GDI2: variants seen among roughly 807,000 people sequenced by gnomAD.
GDI2 encodes the protein rab GDP dissociation inhibitor beta.
Under a neutral mutation model 54.2 loss-of-function variants are expected in GDI2, and 22 were observed. That is an observed-to-expected ratio of 0.41 (90% confidence interval 0.29 to 0.58). The LOEUF is 0.58. Ranked by LOEUF, GDI2 falls within the 20% of genes least tolerant of loss-of-function variation. The pLI is 0.35. For synonymous variants in GDI2, 177 were observed against 182.1 expected, an observed-to-expected ratio of 0.97 and a Z score of 0.23; for missense variants, 422 against 546.0, an observed-to-expected ratio of 0.77 and a Z score of 2.26.
At position 5,766,097 on chromosome 10, in the gene GDI2, T is replaced by C; in HGVS notation, c.1247A>G (p.Asp416Gly). Reference protein sequence around the residue: ...ATTHFETTCDDIKNIYKRMTG... With the variant: ...ATTHFETTCDGIKNIYKRMTG... ...CATCCTCTTATAGATGTTTTTAATG[T>C]CATCACACGTTGTCTCAAAATGAGT... Residue 416 changes from aspartate to glycine, a missense_variant, in exon 11 of 11, where the codon GAC becomes GGC. Physicochemically the swap from Asp to Gly is moderately conservative, Grantham distance 94. Coordinates refer to ENST00000380191, the MANE Select transcript of GDI2 (RefSeq NM_001494.4). The surrounding 1 kb of genome is among the most constrained non-coding windows in gnomAD (Gnocchi z 5.8). 6.2e-7 allele frequency: 1 copy of C among 1,609,584 alleles called. No individual in the cohort carries two copies.
rs919179313 is a variant in GDI2, at chr10:5,813,404, G to T, written c.-146C>A. The T allele has an allele frequency of 4.7e-6, 2 of 427,948 alleles. No homozygotes were observed. Among genetic ancestry groups the T allele is most frequent in the Non-Finnish European group, 4.2e-6 (1 of 235,346 alleles). 26.5% of individuals were successfully genotyped at this position (427,948 alleles called of 1,614,324 possible). A position where few individuals can be genotyped will look rare whatever the true frequency, so the allele number is the denominator to read the frequency against. ...ATGGAGCTGGCGACAAGGCGAGACC[G>T]ACCGCCACCTCAGACGGGAAGAGAA... On this transcript the variant is annotated 5_prime_UTR_variant, in exon 1 of 11. Coordinates refer to ENST00000380191, the MANE Select transcript of GDI2 (RefSeq NM_001494.4).
intron 8 of GDI2, among the ~76,000 whole-genome samples, chr10:5,767,679 T>G (rs1840387896): frequency 6.6e-6 from 1 of 152,190 alleles, no homozygotes; most frequent in Admixed American, 6.5e-5. Context: ...AGCTGAATTT[T>G]AGATAAATAA....
chr10:5,810,959 C>G (rs932411004), intron 1 of GDI2, among the ~76,000 whole-genome samples: 1 of 152,202 alleles, frequency 6.6e-6, no homozygotes, highest in East Asian at 1.9e-4. Context: ...TTAAAAGTAA[C>G]AAGTTCCTAA....
At chr10:5,812,881 G>A (rs941558255) in intron 1 of GDI2, among the ~76,000 whole-genome samples, 1 of 152,176 alleles carries the variant, frequency 6.6e-6, no homozygotes, top group African/African-American at 2.4e-5. Context: ...CCAAACCGGG[G>A]AGCGGGACCC....
rs72772350 is a variant in GDI2 at position 5,766,935 on chromosome 10, T to C, written c.992-297A>G. Among the ~76,000 whole-genome samples the C allele has an allele frequency of 0.015, 2,276 of 152,338 alleles. 21 individuals carry two copies. Among genetic ancestry groups the C allele is most frequent in the Middle Eastern group, 0.061 (18 of 294 alleles). On this transcript the variant is annotated intron_variant, in intron 8 of 10. Coordinates refer to ENST00000380191, the MANE Select transcript of GDI2 (RefSeq NM_001494.4). The surrounding 1 kb of genome is among the most constrained non-coding windows in gnomAD (Gnocchi z 5.8). ...CCTAACTAAAAAACCTGCCAAACCA[T>C]ATTAACTATTCTGGGAGATTCTTCC...
chr10:5,792,184 G>C (rs1479487322), intron 4 of GDI2, among the ~76,000 whole-genome samples: 1 of 152,174 alleles, frequency 6.6e-6, no homozygotes, highest in East Asian at 1.9e-4. Context: ...GTGGTTAAGA[G>C]TGTGGGATTC....
At chr10:5,796,255 CAGG>C (rs780292230) in intron 3 of GDI2, among the ~76,000 whole-genome samples, 57 of 150,838 alleles carry the variant, frequency 3.8e-4, no homozygotes, top group Admixed American at 7.3e-4. Flanking sequence ...GAGGCTGAGG[CAGG>C]AGAATTGCTT....
chr10:5,785,977 A>T lies in GDI2; in HGVS notation c.462T>A (p.Asp154Glu). The T allele has an allele frequency of 6.2e-7, 1 of 1,613,576 alleles. No homozygotes were observed. Among genetic ancestry groups the T allele is most frequent in the Non-Finnish European group, 8.5e-7 (1 of 1,179,550 alleles). The change falls in exon 5 of 11, where the codon GAT becomes GAA. Residue 154 changes from aspartate (D) to glutamate (E), a missense_variant. Transcript: ENST00000380191. ...LVYVANFDEK[D>E]PRTFEGIDPK... ...GATCAATGCCTTCAAAAGTTCTTGG[A>T]TCTTTTTCATCGAAGTTGGCAACAT... is the stretch of plus-strand genomic sequence containing the variant.
intron 4 of GDI2, among the ~76,000 whole-genome samples, chr10:5,792,857 C>G (rs1173917905): frequency 6.7e-6 from 1 of 149,948 alleles, no homozygotes; most frequent in African/African-American, 2.5e-5. Context: ...AATAAAACTG[C>G]CAAACGATAA....
chr10:5,789,425 G>T (rs1234181817), intron 4 of GDI2, among the ~76,000 whole-genome samples: 1 of 151,820 alleles, frequency 6.6e-6, no homozygotes. Context: ...TAAGAGATAG[G>T]GTCTTGCTAT....
chr10:5,806,556 T>G (rs532665162), intron 1 of GDI2, among the ~76,000 whole-genome samples: 1 of 152,306 alleles, frequency 6.6e-6, no homozygotes, highest in Non-Finnish European at 1.5e-5. Flanking sequence ...ATATAAATCC[T>G]TTATTAGTTA....
intron 4 of GDI2, among the ~76,000 whole-genome samples, chr10:5,794,181 AAAAAAAAATATATATATATATATAT>A (rs1195014695): frequency 3.9e-5 from 2 of 51,628 alleles, no homozygotes; most frequent in East Asian, 1.7e-3. Flanking sequence ...AGAAAAAAAA[AAAAAAAAATATATATATATATATAT>A]ATATATATAT....
Position 5,776,884 on chromosome 10 carries a change from G to A in GDI2, c.720-2943C>T. 3.1e-6 allele frequency: 3 copies of A among 960,314 alleles called. No individual in the cohort carries two copies. The highest frequency in any genetic ancestry group is 2.0e-5 in the South Asian group (1 of 50,154). The allele number at this position is 960,314 out of a possible 1,614,324, so 59.5% of individuals were successfully genotyped here. A position where few individuals can be genotyped will look rare whatever the true frequency, so the allele number is the denominator to read the frequency against. Reference sequence around the variant, plus strand: ...TTAAAATGGAAGGCCAGAGAAGAGGGGAGAAGAGGAAATAATGCGAAAACA... The same window carrying A: ...TTAAAATGGAAGGCCAGAGAAGAGGAGAGAAGAGGAAATAATGCGAAAACA... On this transcript the variant is annotated intron_variant, in intron 6 of 10. Coordinates refer to ENST00000380191, the MANE Select transcript of GDI2 (RefSeq NM_001494.4). This position sits in a 1 kb window ranked among gnomAD's most constrained non-coding sequence, Gnocchi z 5.3.
At position 5,776,051 on chromosome 10, in the gene GDI2, G is replaced by A. The variant is rs80250441; in HGVS notation, c.720-2110C>T. Reference sequence around the variant, plus strand: ...CCTTCCTAAGGCTGCCACTTACCCCGGAGTCTATGAAAATAATGGATCCCT... The same window carrying A: ...CCTTCCTAAGGCTGCCACTTACCCCAGAGTCTATGAAAATAATGGATCCCT... On this transcript the variant is annotated intron_variant, in intron 6 of 10. Coordinates refer to ENST00000380191, the MANE Select transcript of GDI2 (RefSeq NM_001494.4). The surrounding 1 kb of genome is among the most constrained non-coding windows in gnomAD (Gnocchi z 5.3). 3.6e-4 allele frequency: 68 copies of A among 190,770 alleles called. No individual in the cohort carries two copies. Among genetic ancestry groups the A allele is most frequent in the African/African-American group, 1.5e-3 (65 of 42,004 alleles). The allele number at this position is 190,770 out of a possible 1,614,324, so 11.8% of individuals were successfully genotyped here.
rs138449992 is a variant in GDI2, at chr10:5,776,336, T to C, written c.720-2395A>G. On this transcript the variant is annotated intron_variant, in intron 6 of 10. Transcript: ENST00000380191. This position sits in a 1 kb window ranked among gnomAD's most constrained non-coding sequence, Gnocchi z 5.3. ...GTAGCTGCCCATCTCACAAACCCTCTGCTGAGGATGCAGAGAGCCAGAGCC... is the reference window on the plus strand; with the variant it reads ...GTAGCTGCCCATCTCACAAACCCTCCGCTGAGGATGCAGAGAGCCAGAGCC... 5.0e-5 allele frequency: 32 copies of C among 641,218 alleles called. 1 individual carries two copies. In the African/African-American group the frequency reaches 5.3e-4, roughly 11 times the overall value. The allele number at this position is 641,218 out of a possible 1,614,324, so 39.7% of individuals were successfully genotyped here. A position where few individuals can be genotyped will look rare whatever the true frequency, so the allele number is the denominator to read the frequency against.
At chr10:5,804,284 G>A (rs942432107) in intron 1 of GDI2, among the ~76,000 whole-genome samples, 2 of 151,972 alleles carry the variant, frequency 1.3e-5, no homozygotes, top group African/African-American at 4.8e-5. Flanking sequence ...AGTAGAGATG[G>A]GGTTTCACCG....
intron 1 of GDI2, among the ~76,000 whole-genome samples, chr10:5,805,296 C>T (rs1003417345): frequency 2.3e-4 from 34 of 149,414 alleles, no homozygotes; most frequent in African/African-American, 8.4e-4. Context: ...AAAACACAGA[C>T]TGCTAGGCCC....
chr10:5,773,040 C>A (rs866465439), intron 7 of GDI2, among the ~76,000 whole-genome samples: 1 of 152,068 alleles, frequency 6.6e-6, no homozygotes, highest in Admixed American at 6.6e-5. Flanking sequence ...TATTATCAGG[C>A]GTTTTTTGCC....
Position 5,794,986 on chromosome 10 carries a change from A to T in GDI2, c.287T>A (p.Val96Glu). Residue 96 changes from valine (V) to glutamate (E), a missense_variant, in exon 4 of 11, where the codon GTA (valine) becomes GAA (glutamate). Physicochemically the swap from Val to Glu is moderately radical, Grantham distance 121 (BLOSUM62 -2). Transcript: ENST00000380191. Reference protein sequence around the residue: ...QLVKMLLYTEVTRYLDFKVTE... With the variant: ...QLVKMLLYTEETRYLDFKVTE... ...CACTTTAAAATCCAGATAGCGAGTT[A>T]CCTCTGTATAAAGCAGCATCTTAAC... is the stretch of plus-strand genomic sequence containing the variant. 1 of 1,592,398 alleles carries T rather than the reference A, an allele frequency of 6.3e-7. No homozygotes were observed. Among genetic ancestry groups the T allele is most frequent in the Non-Finnish European group, 8.6e-7 (1 of 1,160,254 alleles).
Sources: allele counts gnomAD v4.1 joint callset (sites outside exome capture counted in the v4.1 genomes callset), GRCh38; gene constraint gnomAD v4.1.1; non-coding constraint Gnocchi (gnomAD v3.1); transcripts MANE v1.5; gene names NCBI Gene and HGNC (gene_info 2026-07-23, HGNC 2026-07-21).